The following PCDH15 variants were observed in gnomAD, a reference collection of about 807,000 sequenced individuals.
PCDH15 encodes protocadherin related 15.
In PCDH15, 129 loss-of-function variants were observed where a neutral mutation model predicts 178.5. That is an observed-to-expected ratio of 0.72 (90% CI 0.63 to 0.84). The LOEUF is 0.84. Among genes scored for constraint, PCDH15 ranks in the 40% least tolerant of loss-of-function variants. The pLI is 0.00. For missense variants in PCDH15, 2,230 were observed against 2,099.9 expected, an observed-to-expected ratio of 1.06 and a Z score of -1.21; for synonymous variants, 800 against 732.0, an observed-to-expected ratio of 1.09 and a Z score of -1.50.
intron 29 of PCDH15, among the ~76,000 whole-genome samples, chr10:53,839,788 T>A (rs7914433): frequency 0.29 from 43,687 of 151,994 alleles, 8,205 homozygotes; most frequent in East Asian, 0.75. Flanking sequence ...TAACTCAAAT[T>A]TTTAAGTTCC....
intron 1 of PCDH15, among the ~76,000 whole-genome samples, chr10:55,240,380 C>A (rs1451334495): frequency 6.6e-6 from 1 of 152,076 alleles, no homozygotes; most frequent in Non-Finnish European, 1.5e-5. Context: ...CTACCCCAAC[C>A]AACAAAATTA....
At chr10:54,819,402 CAAAT>C (rs1293919532) in intron 3 of PCDH15, among the ~76,000 whole-genome samples, 1 of 151,824 alleles carries the variant, frequency 6.6e-6, no homozygotes, top group East Asian at 1.9e-4. Context: ...TCTGTTTTTA[CAAAT>C]AATAGTTGAC....
At chr10:53,820,472 A>ATAC (rs1270162991) in intron 32 of PCDH15, among the ~76,000 whole-genome samples, 2 of 152,046 alleles carry the variant, frequency 1.3e-5, no homozygotes, top group Non-Finnish European at 1.5e-5. Flanking sequence ...TTATATTCAT[A>ATAC]TACTTCCAAT....
At chr10:55,590,242 T>C (rs868273002) in intron 2 of PCDH15, among the ~76,000 whole-genome samples, 7 of 146,482 alleles carry the variant, frequency 4.8e-5, no homozygotes, top group Non-Finnish European at 8.9e-5. Flanking sequence ...ATGTTCTCAC[T>C]CATAGGTGGG....
intron 3 of PCDH15, among the ~76,000 whole-genome samples, chr10:54,527,319 C>T (rs2083451480): frequency 6.6e-6 from 1 of 152,094 alleles, no homozygotes; most frequent in African/African-American, 2.4e-5. Flanking sequence ...TTTCTCTGCT[C>T]TTGGCCTTAT....
intron 2 of PCDH15, among the ~76,000 whole-genome samples, chr10:55,515,426 T>C (rs1589100513): frequency 6.6e-6 from 1 of 152,140 alleles, no homozygotes; most frequent in African/African-American, 2.4e-5. Flanking sequence ...TTGTAAAAGA[T>C]TGAATGCAGA....
intron 2 of PCDH15, among the ~76,000 whole-genome samples, chr10:54,612,038 G>C (rs1168645996): frequency 1.3e-5 from 2 of 151,786 alleles, no homozygotes; most frequent in Non-Finnish European, 3.0e-5. Context: ...CGTTTCTTAA[G>C]GTATATGTGT....
At chr10:54,893,935 T>C (rs944895999) in intron 3 of PCDH15, among the ~76,000 whole-genome samples, 1 of 152,122 alleles carries the variant, frequency 6.6e-6, no homozygotes, top group African/African-American at 2.4e-5. Flanking sequence ...ACTGTAGCCT[T>C]GCTTGTCTAA....
Position 54,235,503 on chromosome 10 carries a change from G to C in PCDH15, c.985+1320C>G, listed in dbSNP as rs369067124. 2.6e-5 allele frequency among the ~76,000 whole-genome samples: 4 copies of C among 152,154 alleles called. No individual in the cohort carries two copies. In the South Asian group the frequency reaches 8.3e-4, roughly 32 times the overall value. On this transcript the variant is annotated intron_variant, in intron 9 of 37. Transcript: ENST00000644397. ...TTGCACATGCTGCATTATCTATATA[G>C]ATAATTGTCTCTCTTTTTCCACCTG... is the stretch of plus-strand genomic sequence containing the variant.
intron 2 of PCDH15, among the ~76,000 whole-genome samples, chr10:55,088,992 G>C (rs1470981342): frequency 6.6e-6 from 1 of 152,014 alleles, no homozygotes; most frequent in Non-Finnish European, 1.5e-5. Context: ...ATATATTCTA[G>C]ATAAACTGAT....
intron 1 of PCDH15, among the ~76,000 whole-genome samples, chr10:54,781,272 C>T (rs773895611): frequency 3.9e-5 from 6 of 151,970 alleles, no homozygotes; most frequent in Admixed American, 1.3e-4. Flanking sequence ...CCCATCAACC[C>T]ATCATCTACA....
At chr10:54,462,390 A>G (rs1322136744) in intron 3 of PCDH15, among the ~76,000 whole-genome samples, 4 of 151,834 alleles carry the variant, frequency 2.6e-5, no homozygotes, top group African/African-American at 7.2e-5. Context: ...CATTGGTAAT[A>G]TCAATTTTCT....
At chr10:54,748,622 T>C (rs905211493) in intron 1 of PCDH15, among the ~76,000 whole-genome samples, 1 of 152,212 alleles carries the variant, frequency 6.6e-6, no homozygotes, top group Non-Finnish European at 1.5e-5. Flanking sequence ...GATTGATTTC[T>C]TTGATTGTAA....
intron 1 of PCDH15, among the ~76,000 whole-genome samples, chr10:55,276,319 C>T (rs941627348): frequency 6.6e-6 from 1 of 150,774 alleles, no homozygotes; most frequent in African/African-American, 2.4e-5. Flanking sequence ...AATATTTTAC[C>T]ATTAAATATA....
intron 2 of PCDH15, among the ~76,000 whole-genome samples, chr10:55,072,436 A>G (rs990750981): frequency 1.3e-5 from 2 of 152,334 alleles, no homozygotes; most frequent in South Asian, 2.1e-4. Context: ...ATCCCATAGA[A>G]ATACAAACTA....
chr10:53,944,395 A>G (rs965781692), intron 23 of PCDH15, among the ~76,000 whole-genome samples: 8 of 152,222 alleles, frequency 5.3e-5, no homozygotes, highest in African/African-American at 1.9e-4. Context: ...TCTGTTGAGT[A>G]TAATCAAAAT....
chr10:53,803,432 T>C lies in PCDH15; in HGVS notation c.*3147A>G, dbSNP rs1233247053. ...AAAATGTTTTTAAATAATATTTTAA[T>C]GGTAACTACTGAATCACCTTTGGAA... On this transcript the variant is annotated 3_prime_UTR_variant, in exon 38 of 38. Transcript: ENST00000644397. The C allele has an allele frequency of 6.6e-6, 1 of 152,014 alleles. No individual in the cohort carries two copies. The highest frequency in any genetic ancestry group is 2.4e-5 in the African/African-American group (1 of 41,438). The allele number at this position is 152,014 out of a possible 1,614,324, so 9.4% of individuals were successfully genotyped here.
Position 55,127,003 on chromosome 10 carries a change from C to CT in PCDH15, c.-80+39572_-80+39573insA, listed in dbSNP as rs1837918131. On this transcript the variant is annotated intron_variant, in intron 2 of 5. Transcript: ENST00000458638. Reference sequence around the variant, plus strand: ...CACATTCCTCTTTCCTTCAGGTGTCCCCCCACCCCACACACAAAAACTAGT... The same window carrying CT: ...CACATTCCTCTTTCCTTCAGGTGTCCTCCCCACCCCACACACAAAAACTAGT... Among the ~76,000 whole-genome samples the CT allele has an allele frequency of 1.3e-5, 2 of 151,958 alleles. 1 individual carries two copies. The highest frequency in any genetic ancestry group is 2.9e-5 in the Non-Finnish European group (2 of 67,948).
At chr10:55,569,320 T>C (rs1015810883) in intron 2 of PCDH15, among the ~76,000 whole-genome samples, 2 of 152,008 alleles carry the variant, frequency 1.3e-5, no homozygotes, top group Non-Finnish European at 2.9e-5. Flanking sequence ...TTACTGCAGA[T>C]GGAAATGCAG....
Sources: gnomAD v4.1 joint callset for allele counts (sites outside exome capture counted in the v4.1 genomes callset) on GRCh38, gnomAD v4.1.1 for gene constraint, MANE v1.5 for transcripts, NCBI Gene and HGNC (gene_info 2026-07-23, HGNC 2026-07-21) for gene names.